Variants in PLEKHH2 observed in about 807,000 individuals in gnomAD.
PLEKHH2 encodes pleckstrin homology domain-containing family H member 2.
A neutral mutation model predicts 187.9 loss-of-function variants in PLEKHH2; 129 were observed. The ratio of observed to expected loss-of-function variants is 0.69; its 90% CI spans 0.59 to 0.79. The LOEUF is 0.79. PLEKHH2 is among the 30% of genes least tolerant of loss of function. The pLI is 0.00. For missense variants in PLEKHH2, 2,076 were observed against 1,751.2 expected (o/e 1.19, Z -3.31); for synonymous variants, 686 against 605.6 (o/e 1.13, Z -1.95).
intron 20 of PLEKHH2, 168 bp from the exon 21 acceptor site, chr2:43,740,778 G>C: frequency 8.1e-7 from 1 of 1,235,896 alleles, no homozygotes; most frequent in Non-Finnish European, 1.0e-6. Context: ...CCAATGTAGA[G>C]TTTTTTGTTT....
Position 43,738,411 on chromosome 2 carries a change from G to C in PLEKHH2, c.3014G>C (p.Ser1005Thr), listed in dbSNP as rs761978975. The change falls in exon 20 of 30, where the codon AGT becomes ACT. Residue 1005 changes from serine (S) to threonine (T), a missense_variant. Ser to Thr is a moderately conservative substitution (Grantham distance 58). Transcript: ENST00000282406. ...AIDYHISLAQSALQICLTHPE... is the reference protein window; with the variant it reads ...AIDYHISLAQTALQICLTHPE... The stretch of plus-strand genomic sequence containing the variant: ...GATTACCACATATCTTTAGCCCAGA[G>C]TGCTTTGCAAATCTGCCTGACACAT... The C allele has an allele frequency of 6.2e-7, 1 of 1,614,044 alleles. No individual in the cohort carries two copies. Among genetic ancestry groups the C allele is most frequent in the East Asian group, 2.2e-5 (1 of 44,872 alleles).
At position 43,765,521 on chromosome 2, in the gene PLEKHH2, G is replaced by A; in HGVS notation, c.4405G>A (p.Gly1469Arg). The A allele has an allele frequency of 6.2e-7, 1 of 1,613,980 alleles. No homozygotes were observed. Among genetic ancestry groups the A allele is most frequent in the Non-Finnish European group, 8.5e-7 (1 of 1,179,968 alleles). ...APALLSAQTRGPQARMMGSQP... is the reference protein window; with the variant it reads ...APALLSAQTRRPQARMMGSQP... ...AGCACTGCTCTCAGCCCAGACCCGG[G>A]GACCCCAAGCCAGAATGATGGGAAG... Residue 1469 changes from glycine (G) to arginine (R), a missense_variant, in exon 30 of 30, where the codon GGA becomes AGA. By Grantham distance (125) the Gly-to-Arg change is moderately radical. Coordinates refer to ENST00000282406, the MANE Select transcript of PLEKHH2 (RefSeq NM_172069.4).
chr2:43,652,314 G>A (rs980933927), intron 2 of PLEKHH2, among the ~76,000 whole-genome samples: 8 of 152,090 alleles, frequency 5.3e-5, no homozygotes, highest in Non-Finnish European at 7.4e-5. Context: ...ATGTCACTCC[G>A]CCTCTAGGTC....
chr2:43,715,500 T>C (rs1670172516), intron 15 of PLEKHH2, among the ~76,000 whole-genome samples: 1 of 152,172 alleles, frequency 6.6e-6, no homozygotes, highest in Non-Finnish European at 1.5e-5. Context: ...AAGAGGAAGA[T>C]GAATCAGTGG....
chr2:43,736,048 A>G (rs72790997), intron 19 of PLEKHH2, among the ~76,000 whole-genome samples: 27,529 of 152,094 alleles, frequency 0.18, 2,941 homozygotes, highest in Admixed American at 0.29. Flanking sequence ...TATAAATTAC[A>G]TAAAGTTTGT....
chr2:43,656,378 C>T (rs775940015), intron 2 of PLEKHH2, among the ~76,000 whole-genome samples: 2 of 152,134 alleles, frequency 1.3e-5, no homozygotes, highest in Non-Finnish European at 2.9e-5. Flanking sequence ...AAGCTCTGTA[C>T]TTTTTATGAG....
At chr2:43,761,736 A>T (rs1008149376) in intron 27 of PLEKHH2, among the ~76,000 whole-genome samples, 1 of 152,204 alleles carries the variant, frequency 6.6e-6, no homozygotes, top group African/African-American at 2.4e-5. Context: ...ACAATAAAAA[A>T]TTCGGTGGAA....
rs376159924 is a variant in PLEKHH2, at chr2:43,757,168, T to G, written c.3845T>G (p.Val1282Gly). The G allele has an allele frequency of 2.5e-5, 40 of 1,602,602 alleles. No homozygotes were observed. The highest frequency in any genetic ancestry group is 3.3e-5 in the Non-Finnish European group (39 of 1,175,554). Residue 1282 changes from valine (V) to glycine (G), a missense_variant, in exon 26 of 30, where the codon GTT (valine) becomes GGT (glycine). Val to Gly is a moderately radical substitution (Grantham distance 109). Coordinates refer to ENST00000282406, the MANE Select transcript of PLEKHH2 (RefSeq NM_172069.4). The stretch of plus-strand genomic sequence containing the variant: ...CCTTTCTCAACTCCAGCAGGGCATG[T>G]TACCAATCAGTGCAAAGTGAATCAA... ...ERPFSTPAGH[V>G]TNQCKVNQTL... is the part of the protein sequence containing the mutation.
intron 3 of PLEKHH2, among the ~76,000 whole-genome samples, chr2:43,689,644 T>C (rs1668698234): frequency 6.6e-6 from 1 of 152,172 alleles, no homozygotes; most frequent in African/African-American, 2.4e-5. Flanking sequence ...ATAGGATCAG[T>C]TGGTAAGTAG....
Position 43,751,940 on chromosome 2 carries a change from T to C in PLEKHH2, c.3654-1679T>C, listed in dbSNP as rs574756151. Among the ~76,000 whole-genome samples the C allele has an allele frequency of 2.0e-5, 3 of 152,106 alleles. No individual in the cohort carries two copies. In the East Asian group the frequency reaches 5.8e-4, roughly 29 times the overall value. ...TCTCTCTCTCTCTTTTTTTTTTTTT[T>C]TGCTAGTGATACTTCCTTTTCCCCT... On this transcript the variant is annotated intron_variant, in intron 24 of 29. Coordinates refer to ENST00000282406, the MANE Select transcript of PLEKHH2 (RefSeq NM_172069.4).
intron 2 of PLEKHH2, among the ~76,000 whole-genome samples, chr2:43,647,721 C>A (rs1377748176): frequency 6.6e-6 from 1 of 152,096 alleles, no homozygotes; most frequent in Admixed American, 6.6e-5. Context: ...ACCAGTCAGC[C>A]CCAGGGCTTC....
intron 2 of PLEKHH2, among the ~76,000 whole-genome samples, chr2:43,651,881 C>T (rs1238770587): frequency 3.3e-5 from 5 of 152,136 alleles, no homozygotes; most frequent in Non-Finnish European, 7.4e-5. Context: ...AATTATCTTT[C>T]TTTCTTCTAG....
At chr2:43,762,847 A>G (rs1460158769) in intron 28 of PLEKHH2, among the ~76,000 whole-genome samples, 1 of 152,206 alleles carries the variant, frequency 6.6e-6, no homozygotes, top group African/African-American at 2.4e-5. Flanking sequence ...TTAAATTCAA[A>G]CTATGATATC....
At chr2:43,708,060 C>T (rs1669749311) in intron 11 of PLEKHH2, among the ~76,000 whole-genome samples, 1 of 152,086 alleles carries the variant, frequency 6.6e-6, no homozygotes, top group African/African-American at 2.4e-5. Context: ...TTATAAAAAG[C>T]CCTTAATGCA....
intron 25 of PLEKHH2, among the ~76,000 whole-genome samples, chr2:43,756,381 C>T (rs1299506242): frequency 6.6e-6 from 1 of 152,062 alleles, no homozygotes; most frequent in Non-Finnish European, 1.5e-5. Context: ...CAACCTCCGC[C>T]TCCTGGGTTC....
At chr2:43,690,609 T>C (rs1668745032) in intron 3 of PLEKHH2, among the ~76,000 whole-genome samples, 1 of 152,226 alleles carries the variant, frequency 6.6e-6, no homozygotes, top group Non-Finnish European at 1.5e-5. Flanking sequence ...GATTTTCATC[T>C]TAACTATCAT....
At chr2:43,748,322 T>C (rs1671862255) in intron 24 of PLEKHH2, among the ~76,000 whole-genome samples, 1 of 152,240 alleles carries the variant, frequency 6.6e-6, no homozygotes, top group Admixed American at 6.5e-5. Flanking sequence ...GGAAATCTAA[T>C]AGGCTTCATC....
chr2:43,764,377 C>T lies in PLEKHH2; in HGVS notation c.4296+12C>T. The stretch of plus-strand genomic sequence containing the variant: ...TGGCAAAACCCAAGGTGAGTAGAAG[C>T]CTTTCTGCCAACTTTTTTGTCCTAG... On this transcript the variant is annotated intron_variant, in intron 29 of 29. Transcript: ENST00000282406. 2 of 1,610,920 alleles carry T rather than the reference C, an allele frequency of 1.2e-6. No individual in the cohort carries two copies. The highest frequency in any genetic ancestry group is 1.1e-5 in the South Asian group (1 of 90,730).
intron 2 of PLEKHH2, among the ~76,000 whole-genome samples, chr2:43,670,400 A>G (rs1464763765): frequency 6.6e-6 from 1 of 152,242 alleles, no homozygotes; most frequent in East Asian, 1.9e-4. Flanking sequence ...GGTTCAGTCA[A>G]CTAGAGTAGG....
Sources: gnomAD v4.1 joint callset for allele counts (sites outside exome capture counted in the v4.1 genomes callset) on GRCh38, gnomAD v4.1.1 for gene constraint, MANE v1.5 for transcripts, NCBI Gene and HGNC (gene_info 2026-07-23, HGNC 2026-07-21) for gene names.